Variants in KIAA0825 observed in about 807,000 individuals in gnomAD.
KIAA0825 encodes the protein uncharacterized protein KIAA0825.
In KIAA0825, 119 loss-of-function variants were observed where a neutral mutation model predicts 147.6. The observed-to-expected ratio is 0.81, with a 90% CI of 0.69 to 0.94. The LOEUF is 0.94. Among genes scored for constraint, KIAA0825 ranks in the 40% least tolerant of loss-of-function variants. KIAA0825 has a pLI of 0.00. For missense variants in KIAA0825, 1,381 were observed against 1,472.7 expected (o/e 0.94, Z 1.02); for synonymous variants, 470 against 518.1 (o/e 0.91, Z 1.26).
Position 94,383,683 on chromosome 5 carries a change from A to G in KIAA0825, c.3710+685T>C, listed in dbSNP as rs140433710. 3.5e-4 allele frequency among the ~76,000 whole-genome samples: 53 copies of G among 152,288 alleles called. 2 individuals are homozygous for G. In the East Asian group the frequency reaches 5.2e-3, roughly 15 times the overall value. On this transcript the variant is annotated intron_variant, in intron 20 of 20. Transcript: ENST00000682413. ...CTGAAACTTTAAGTATTTAAAAACC[A>G]TGTTAATTGATCCAAAGCAAAATGT...
intron 2 of KIAA0825, among the ~76,000 whole-genome samples, chr5:94,565,902 CT>C (rs2152309209): frequency 6.6e-6 from 1 of 152,198 alleles, no homozygotes; most frequent in Non-Finnish European, 1.5e-5. Context: ...CTAAATGAAA[CT>C]TTATCCTTTG....
intron 20 of KIAA0825, among the ~76,000 whole-genome samples, chr5:94,192,866 T>C (rs1770798588): frequency 6.6e-6 from 1 of 152,206 alleles, no homozygotes; most frequent in Non-Finnish European, 1.5e-5. Context: ...GGAGTTGGCT[T>C]TCTCTGCTTT....
At chr5:94,356,764 G>A (rs765588716) in intron 20 of KIAA0825, among the ~76,000 whole-genome samples, 10 of 120,362 alleles carry the variant, frequency 8.3e-5, no homozygotes, top group South Asian at 2.6e-4. Context: ...TCGCTCTGTC[G>A]CCCACGCTGG....
chr5:94,198,327 G>A (rs755431795), intron 20 of KIAA0825, among the ~76,000 whole-genome samples: 1 of 152,044 alleles, frequency 6.6e-6, no homozygotes, highest in African/African-American at 2.4e-5. Context: ...AATCTTTACT[G>A]AAGTTATCAG....
chr5:94,458,012 T>C (rs1356857234), intron 12 of KIAA0825, among the ~76,000 whole-genome samples: 1 of 152,138 alleles, frequency 6.6e-6, no homozygotes, highest in East Asian at 1.9e-4. Context: ...GCAGAATTAG[T>C]GTGAAACTGA....
intron 1 of KIAA0825, among the ~76,000 whole-genome samples, chr5:94,585,379 G>A (rs1373812721): frequency 6.6e-6 from 1 of 152,110 alleles, no homozygotes; most frequent in East Asian, 1.9e-4. Flanking sequence ...GAAAAAGCAG[G>A]GGTTGCAATC....
At chr5:94,178,743 G>C (rs900182484) in intron 20 of KIAA0825, among the ~76,000 whole-genome samples, 1 of 151,934 alleles carries the variant, frequency 6.6e-6, no homozygotes, top group African/African-American at 2.4e-5. Context: ...TTTTGGACAT[G>C]TTTTGGCCAT....
intron 20 of KIAA0825, among the ~76,000 whole-genome samples, chr5:94,237,741 C>A (rs990131294): frequency 1.7e-4 from 26 of 152,260 alleles, no homozygotes; most frequent in African/African-American, 6.0e-4. Context: ...AGGTACACAA[C>A]AAGTAGTATT....
chr5:94,188,084 TGAG>T (rs1203955483), intron 20 of KIAA0825, among the ~76,000 whole-genome samples: 1 of 152,150 alleles, frequency 6.6e-6, no homozygotes, highest in African/African-American at 2.4e-5. Flanking sequence ...GAGATCACAA[TGAG>T]AAGTTGGCTG....
At chr5:94,285,825 T>C (rs1390698493) in intron 20 of KIAA0825, among the ~76,000 whole-genome samples, 2 of 152,148 alleles carry the variant, frequency 1.3e-5, no homozygotes, top group Non-Finnish European at 2.9e-5. Context: ...CCTGTAATCA[T>C]AGGCTTAAGC....
intron 3 of KIAA0825, among the ~76,000 whole-genome samples, chr5:94,525,180 G>C (rs1161847956): frequency 1.3e-5 from 2 of 151,818 alleles, no homozygotes; most frequent in African/African-American, 4.8e-5. Context: ...ATACTAAGAG[G>C]TAAAGTTAGT....
chr5:94,394,806 A>G (rs1215966237), intron 17 of KIAA0825, among the ~76,000 whole-genome samples: 1 of 152,170 alleles, frequency 6.6e-6, no homozygotes, highest in Non-Finnish European at 1.5e-5. Flanking sequence ...TAGAAAGATT[A>G]AGACGGTCAC....
chr5:94,489,254 C>T (rs914218463), intron 5 of KIAA0825, among the ~76,000 whole-genome samples: 1 of 152,154 alleles, frequency 6.6e-6, no homozygotes. Context: ...AACAGAACCA[C>T]CCGAAGTCCA....
chr5:94,281,052 T>C (rs1233703135), intron 20 of KIAA0825, among the ~76,000 whole-genome samples: 1 of 152,134 alleles, frequency 6.6e-6, no homozygotes, highest in East Asian at 1.9e-4. Context: ...AATATTTTGT[T>C]TGCTTTAGTA....
At chr5:94,397,447 A>G (rs2150588778) in intron 16 of KIAA0825, among the ~76,000 whole-genome samples, 1 of 152,324 alleles carries the variant, frequency 6.6e-6, no homozygotes, top group Non-Finnish European at 1.5e-5. Flanking sequence ...GATTATTCAA[A>G]TATGTGTTGG....
chr5:94,445,297 C>G (rs1401335019), intron 13 of KIAA0825, among the ~76,000 whole-genome samples: 1 of 152,152 alleles, frequency 6.6e-6, no homozygotes, highest in Admixed American at 6.5e-5. Flanking sequence ...ACTTGCCACT[C>G]TCTGAAATAT....
chr5:94,205,276 T>C (rs1252188132), intron 20 of KIAA0825, among the ~76,000 whole-genome samples: 1 of 138,500 alleles, frequency 7.2e-6, no homozygotes, highest in Non-Finnish European at 1.6e-5. Context: ...ATCATATATA[T>C]ATATATATAT....
intron 20 of KIAA0825, among the ~76,000 whole-genome samples, chr5:94,282,264 C>T (rs1777500024): frequency 1.3e-5 from 2 of 152,040 alleles, no homozygotes; most frequent in African/African-American, 4.8e-5. Flanking sequence ...CTTAATACAA[C>T]ATCAGTTCTC....
chr5:94,583,817 G>A (rs1584961726), intron 1 of KIAA0825, among the ~76,000 whole-genome samples: 1 of 152,016 alleles, frequency 6.6e-6, no homozygotes, highest in African/African-American at 2.4e-5. Flanking sequence ...CCTCTGGGAC[G>A]AAGCTTCCAG....
Sources: allele counts gnomAD v4.1 joint callset (sites outside exome capture counted in the v4.1 genomes callset), GRCh38; gene constraint gnomAD v4.1.1; transcripts MANE v1.5; gene names NCBI Gene and HGNC (gene_info 2026-07-23, HGNC 2026-07-21).